The following COL27A1 variants were observed in gnomAD, a reference collection of about 807,000 sequenced individuals.
COL27A1 encodes collagen type XXVII alpha 1 chain, also known as collagen alpha-1(XXVII) chain.
Under a neutral mutation model 251.3 loss-of-function variants are expected in COL27A1, and 106 were observed. The observed-to-expected ratio is 0.42, with a 90% confidence interval of 0.36 to 0.50. The LOEUF is 0.50. COL27A1 is among the 20% of genes least tolerant of loss of function. The probability of loss-of-function intolerance (pLI) is 0.00; values close to 1 mark genes in which losing one functional copy is unlikely to be tolerated. For missense variants in COL27A1, 2,325 were observed against 2,522.8 expected (o/e 0.92, Z 1.68); for synonymous variants, 1,000 against 986.3 (o/e 1.01, Z -0.26).
At chr9:114,163,883 T>C (rs1003457792) in intron 2 of COL27A1, among the ~76,000 whole-genome samples, 4 of 151,654 alleles carry the variant, frequency 2.6e-5, no homozygotes, top group African/African-American at 9.7e-5. Flanking sequence ...AGGCTGGAGC[T>C]GTGTGGAGCC....
chr9:114,217,795 C>T (rs1449019188), intron 12 of COL27A1: 2 of 470,904 alleles, frequency 4.2e-6, no homozygotes, highest in Admixed American at 4.7e-5. Flanking sequence ...AGTTCAGAGG[C>T]CAGAGGTGGG....
chr9:114,210,879 C>T (rs1309369457), intron 11 of COL27A1, 103 bp from the exon 12 acceptor site: 11 of 1,175,852 alleles, frequency 9.4e-6, no homozygotes, highest in African/African-American at 1.5e-5. Context: ...ATTCCAGGCC[C>T]TCTGTGACTT....
At chr9:114,182,567 A>G (rs10759687) in intron 4 of COL27A1, among the ~76,000 whole-genome samples, 99,389 of 151,580 alleles carry the variant, frequency 0.66, 32,897 homozygotes, top group East Asian at 0.79. Flanking sequence ...TGGGAGGGAA[A>G]TGCATAGCTA....
chr9:114,250,758 C>G (rs1360846334), intron 25 of COL27A1, 90 bp downstream of exon 25: 2 of 1,129,992 alleles, frequency 1.8e-6, no homozygotes, highest in Non-Finnish European at 2.7e-6. Context: ...CTGGGGATTT[C>G]AGAATACCCT....
At chr9:114,161,275 A>C (rs1254076544) in intron 1 of COL27A1, among the ~76,000 whole-genome samples, 1 of 152,130 alleles carries the variant, frequency 6.6e-6, no homozygotes, top group Non-Finnish European at 1.5e-5. Flanking sequence ...CAGGGTCCCT[A>C]ACAGGCATCC....
At chr9:114,223,383 C>A (rs948603231) in intron 14 of COL27A1, among the ~76,000 whole-genome samples, 1 of 152,178 alleles carries the variant, frequency 6.6e-6, no homozygotes, top group Non-Finnish European at 1.5e-5. Context: ...AGGCAGGGAA[C>A]CCCATCGCTC....
chr9:114,252,769 G>T, intron 26 of COL27A1, 110 bp from the exon 27 acceptor site: 1 of 1,401,892 alleles, frequency 7.1e-7, no homozygotes, highest in Non-Finnish European at 1.0e-6. Flanking sequence ...TTGTCCAGGG[G>T]GCCTAGCTGC....
At chr9:114,240,149 C>T in intron 19 of COL27A1, 71 bp from the exon 20 acceptor site, 1 of 1,379,804 alleles carries the variant, frequency 7.2e-7, no homozygotes, top group Non-Finnish European at 1.0e-6. Context: ...GTCAGTCTCC[C>T]TGCAAGACGC....
chr9:114,278,718 C>T (rs1835719117), intron 37 of COL27A1, among the ~76,000 whole-genome samples: 1 of 151,576 alleles, frequency 6.6e-6, no homozygotes, highest in African/African-American at 2.4e-5. Context: ...GCCATCACTC[C>T]CATTTCTCAT....
In COL27A1 at chr9:114,157,877, A is replaced by G. The variant is rs193043650; in HGVS notation, c.62+1865A>G. On this transcript the variant is annotated intron_variant, in intron 1 of 60. Coordinates refer to ENST00000356083, the MANE Select transcript of COL27A1 (RefSeq NM_032888.4). ...TCCTAGCTGGCTGGGTTTTGTGAAG[A>G]TGAACAGGACCATGCTTGTAAAGGG... is the stretch of plus-strand genomic sequence containing the variant. 7.9e-5 allele frequency among the ~76,000 whole-genome samples: 12 copies of G among 152,330 alleles called. No homozygotes were observed. In the East Asian group the frequency reaches 2.1e-3, roughly 27 times the overall value.
chr9:114,242,129 G>C, intron 21 of COL27A1, 58 bp from the exon 22 acceptor site: 1 of 1,457,080 alleles, frequency 6.9e-7, no homozygotes, highest in South Asian at 1.3e-5. Flanking sequence ...CAAGATCTCT[G>C]CAAGTCCAAC....
At chr9:114,190,125 A>G (rs559429085) in intron 5 of COL27A1, among the ~76,000 whole-genome samples, 12 of 152,246 alleles carry the variant, frequency 7.9e-5, no homozygotes, top group African/African-American at 2.9e-4. Flanking sequence ...TCCTATCCCT[A>G]CCATTGTCTC....
At chr9:114,252,004 C>T (rs550390693) in intron 25 of COL27A1, among the ~76,000 whole-genome samples, 1 of 152,352 alleles carries the variant, frequency 6.6e-6, no homozygotes, top group South Asian at 2.1e-4. Context: ...TATTTGCTGG[C>T]TGGGTGGATA....
chr9:114,173,330 G>A lies in COL27A1; in HGVS notation c.1908+3867G>A, dbSNP rs145947178. Among the ~76,000 whole-genome samples, 515 of 152,360 alleles carry A rather than the reference G, an allele frequency of 3.4e-3. 1 individual carries two copies. The highest frequency in any genetic ancestry group is 0.011 in the African/African-American group (449 of 41,578). On this transcript the variant is annotated intron_variant, in intron 3 of 60. Transcript: ENST00000356083. ...CCGCTAAGGGCCTGGCCCACACCACGTGCTCTGTGACTATCTATCTATGAA... is the reference window on the plus strand; with the variant it reads ...CCGCTAAGGGCCTGGCCCACACCACATGCTCTGTGACTATCTATCTATGAA...
intron 27 of COL27A1, among the ~76,000 whole-genome samples, chr9:114,253,591 G>A (rs975759167): frequency 1.3e-5 from 2 of 152,160 alleles, no homozygotes; most frequent in Admixed American, 6.5e-5. Flanking sequence ...GACAGACCTG[G>A]GTAGAATCCC....
chr9:114,226,873 C>T (rs1831506647), intron 14 of COL27A1, among the ~76,000 whole-genome samples: 1 of 152,188 alleles, frequency 6.6e-6, no homozygotes, highest in African/African-American at 2.4e-5. Flanking sequence ...GTGGTGGCCC[C>T]ATAGGCACAC....
intron 3 of COL27A1, among the ~76,000 whole-genome samples, chr9:114,177,742 G>A (rs1270801412): frequency 6.6e-6 from 1 of 152,214 alleles, no homozygotes; most frequent in South Asian, 2.1e-4. Context: ...GCCATGCTCT[G>A]TGTGCTGTGC....
intron 59 of COL27A1, among the ~76,000 whole-genome samples, chr9:114,308,500 T>C (rs1265108718): frequency 6.6e-6 from 1 of 152,176 alleles, no homozygotes; most frequent in Non-Finnish European, 1.5e-5. Flanking sequence ...CAGGTCTTTG[T>C]TGGGTCCCTA....
intron 16 of COL27A1, among the ~76,000 whole-genome samples, chr9:114,234,527 G>A (rs947792045): frequency 5.3e-5 from 8 of 152,102 alleles, no homozygotes; most frequent in African/African-American, 1.9e-4. Flanking sequence ...TGAGGCCAGG[G>A]CTGTGTGAGG....
Sources: gnomAD v4.1 joint callset for allele counts (sites outside exome capture counted in the v4.1 genomes callset) on GRCh38, gnomAD v4.1.1 for gene constraint, MANE v1.5 for transcripts, NCBI Gene and HGNC (gene_info 2026-07-23, HGNC 2026-07-21) for gene names.